The following ROBO2 variants were observed in gnomAD, a reference collection of about 807,000 sequenced individuals.
ROBO2 encodes the protein roundabout guidance receptor 2.
In ROBO2, 53 loss-of-function variants were observed where a neutral mutation model predicts 160.8. That is an observed-to-expected ratio of 0.33 (90% confidence interval 0.26 to 0.41). The LOEUF (loss-of-function observed/expected upper bound fraction) is 0.41, where lower values mean the gene tolerates loss of function less well. ROBO2 is among the 10% of genes least tolerant of loss of function. The pLI, the probability that ROBO2 is intolerant of heterozygous loss-of-function variation, is 1.00. For synonymous variants in ROBO2, 664 were observed against 611.7 expected (o/e 1.09, Z -1.26); for missense variants, 1,577 against 1,722.4 (o/e 0.92, Z 1.49).
At chr3:76,118,591 A>T (rs1386960010) in intron 2 of ROBO2, among the ~76,000 whole-genome samples, 2 of 152,146 alleles carry the variant, frequency 1.3e-5, no homozygotes, top group Non-Finnish European at 2.9e-5. Context: ...CTCCGTTATT[A>T]TTGGATCGCA....
intron 2 of ROBO2, among the ~76,000 whole-genome samples, chr3:77,147,175 T>C (rs562726316): frequency 6.6e-6 from 1 of 152,300 alleles, no homozygotes; most frequent in East Asian, 1.9e-4. Flanking sequence ...ATTTAGTAAT[T>C]GTGTCATCCT....
chr3:76,053,578 A>G (rs139811078), intron 2 of ROBO2, among the ~76,000 whole-genome samples: 2 of 152,150 alleles, frequency 1.3e-5, no homozygotes, highest in East Asian at 3.9e-4. Flanking sequence ...TCATATAAAT[A>G]GAAGTCAAAA....
intron 2 of ROBO2, among the ~76,000 whole-genome samples, chr3:76,943,411 C>A (rs1363266701): frequency 6.6e-6 from 1 of 152,164 alleles, no homozygotes; most frequent in Non-Finnish European, 1.5e-5. Context: ...TATAATTGTT[C>A]TTCTGGTATT....
chr3:75,981,326 T>C (rs1249922871), intron 2 of ROBO2, among the ~76,000 whole-genome samples: 2 of 151,526 alleles, frequency 1.3e-5, no homozygotes, highest in Admixed American at 6.6e-5. Context: ...AAAGGACTTA[T>C]CTATCTCCTA....
chr3:77,267,789 G>T (rs1197740917), intron 2 of ROBO2, among the ~76,000 whole-genome samples: 1 of 152,150 alleles, frequency 6.6e-6, no homozygotes, highest in East Asian at 1.9e-4. Flanking sequence ...AGCCCTAGGG[G>T]CGTCATTTGC....
intron 1 of ROBO2, among the ~76,000 whole-genome samples, chr3:77,087,764 GTA>G (rs1432858770): frequency 6.6e-6 from 1 of 151,468 alleles, no homozygotes; most frequent in Admixed American, 6.6e-5. Context: ...ACATATGTGT[GTA>G]TACATGTATA....
chr3:76,993,933 A>G (rs1384417830), intron 2 of ROBO2, among the ~76,000 whole-genome samples: 1 of 151,900 alleles, frequency 6.6e-6, no homozygotes, highest in East Asian at 1.9e-4. Context: ...CTACTCTTCT[A>G]AATGACAGCT....
Position 76,431,577 on chromosome 3 carries a change from G to A in ROBO2, c.109+493975G>A, listed in dbSNP as rs17014172. 9.2e-3 allele frequency among the ~76,000 whole-genome samples: 1,393 copies of A among 152,176 alleles called. 34 individuals are homozygous for A. Among genetic ancestry groups the A allele is most frequent in the South Asian group, 0.058 (281 of 4,826 alleles). ...GTAGGGCAAAATAATGTGGTTAAGT[G>A]TTCCCAAGATAATCTTTCGTATAAA... On this transcript the variant is annotated intron_variant, in intron 2 of 26. Transcript: ENST00000487694.
intron 2 of ROBO2, among the ~76,000 whole-genome samples, chr3:77,452,724 A>C (rs1264137841): frequency 6.6e-6 from 1 of 152,138 alleles, no homozygotes; most frequent in Admixed American, 6.6e-5. Context: ...CATTAAATGG[A>C]TTCATTTCTT....
At chr3:75,934,007 A>G (rs980204341) in intron 1 of ROBO2, among the ~76,000 whole-genome samples, 5 of 152,184 alleles carry the variant, frequency 3.3e-5, no homozygotes, top group Non-Finnish European at 5.9e-5. Flanking sequence ...TCCACAACAC[A>G]TTTCACAGAG....
chr3:76,099,270 A>G (rs919936828), intron 2 of ROBO2, among the ~76,000 whole-genome samples: 1 of 152,150 alleles, frequency 6.6e-6, no homozygotes, highest in Non-Finnish European at 1.5e-5. Flanking sequence ...GGAGTTGGCT[A>G]TGAATCATAA....
intron 2 of ROBO2, among the ~76,000 whole-genome samples, chr3:76,631,319 A>G (rs933434012): frequency 1.3e-5 from 2 of 152,208 alleles, no homozygotes; most frequent in African/African-American, 2.4e-5. Flanking sequence ...ATTTTGGGAA[A>G]AAAATCTTGT....
intron 2 of ROBO2, among the ~76,000 whole-genome samples, chr3:76,223,421 G>A (rs1006242033): frequency 6.6e-6 from 1 of 151,872 alleles, no homozygotes; most frequent in African/African-American, 2.4e-5. Flanking sequence ...CCCAGGGTGG[G>A]GAGGCTACTT....
intron 2 of ROBO2, among the ~76,000 whole-genome samples, chr3:76,269,621 G>C (rs1281698290): frequency 6.6e-6 from 1 of 150,538 alleles, no homozygotes; most frequent in African/African-American, 2.4e-5. Flanking sequence ...AAAGGAATGA[G>C]TAAATCCATT....
intron 2 of ROBO2, among the ~76,000 whole-genome samples, chr3:76,085,523 T>C (rs1350501927): frequency 1.3e-5 from 2 of 152,130 alleles, no homozygotes; most frequent in African/African-American, 4.8e-5. Context: ...CATTACAGCA[T>C]GTAAAGAGCT....
intron 2 of ROBO2, among the ~76,000 whole-genome samples, chr3:76,622,234 G>GAAA (rs1560251936): frequency 0.03 from 1,542 of 51,482 alleles, 95 homozygotes; most frequent in East Asian, 0.073. Context: ...AAGGAAGGAA[G>GAAA]GAAGAAAGAA....
At chr3:75,960,428 G>T (rs1481033266) in intron 2 of ROBO2, among the ~76,000 whole-genome samples, 1 of 151,750 alleles carries the variant, frequency 6.6e-6, no homozygotes, top group Non-Finnish European at 1.5e-5. Context: ...AATGTTTAAG[G>T]CTGGATGTGC....
At chr3:76,157,759 T>C (rs1290666066) in intron 2 of ROBO2, among the ~76,000 whole-genome samples, 3 of 152,202 alleles carry the variant, frequency 2.0e-5, no homozygotes, top group Admixed American at 6.5e-5. Flanking sequence ...AATACTCTTT[T>C]CTTTGCAGTG....
intron 2 of ROBO2, among the ~76,000 whole-genome samples, chr3:76,014,470 C>T (rs1335425141): frequency 6.8e-6 from 1 of 146,500 alleles, no homozygotes; most frequent in Non-Finnish European, 1.5e-5. Context: ...CAATTGGCAG[C>T]TGGCCTGGTG....
Sources: allele counts gnomAD v4.1 joint callset (sites outside exome capture counted in the v4.1 genomes callset), GRCh38; gene constraint gnomAD v4.1.1; transcripts MANE v1.5; gene names NCBI Gene and HGNC (gene_info 2026-07-23, HGNC 2026-07-21).